Variants in SSBP2 observed in about 807,000 individuals in gnomAD.
The protein encoded by SSBP2 is single stranded DNA binding protein 2.
A neutral mutation model predicts 61.8 loss-of-function variants in SSBP2; 17 were observed. The ratio of observed to expected loss-of-function variants is 0.28; its 90% CI spans 0.19 to 0.41. The LOEUF (loss-of-function observed/expected upper bound fraction) is 0.41. Among genes scored for constraint, SSBP2 ranks in the 10% least tolerant of loss-of-function variants. The probability of loss-of-function intolerance (pLI) is 1.00; values close to 1 mark genes in which losing one functional copy is unlikely to be tolerated. For synonymous variants in SSBP2, 139 were observed against 141.3 expected, an observed-to-expected ratio of 0.98 and a Z score of 0.12; for missense variants, 310 against 458.7, an observed-to-expected ratio of 0.68 and a Z score of 2.96.
intron 1 of SSBP2, among the ~76,000 whole-genome samples, chr5:81,700,437 A>G (rs1350603947): frequency 6.6e-6 from 1 of 152,246 alleles, no homozygotes; most frequent in Non-Finnish European, 1.5e-5. Context: ...GCACAGGCAG[A>G]GTAGATTTAG....
At chr5:81,504,408 T>A (rs1768024114) in intron 5 of SSBP2, among the ~76,000 whole-genome samples, 1 of 152,184 alleles carries the variant, frequency 6.6e-6, no homozygotes, top group Non-Finnish European at 1.5e-5. Context: ...TATCTATGAC[T>A]TCCTATCTCA....
intron 1 of SSBP2, among the ~76,000 whole-genome samples, chr5:81,686,501 T>C (rs1284523695): frequency 6.6e-6 from 1 of 151,998 alleles, no homozygotes; most frequent in Non-Finnish European, 1.5e-5. Flanking sequence ...TCATAGGACA[T>C]AGTGAATTTA....
intron 15 of SSBP2, among the ~76,000 whole-genome samples, chr5:81,433,150 T>C (rs1024567672): frequency 5.9e-5 from 9 of 151,426 alleles, no homozygotes; most frequent in Non-Finnish European, 1.3e-4. Flanking sequence ...ACAATGGCGG[T>C]TTTGTGGAAT....
At chr5:81,532,901 T>C (rs914691175) in intron 4 of SSBP2, among the ~76,000 whole-genome samples, 4 of 151,918 alleles carry the variant, frequency 2.6e-5, no homozygotes, top group Non-Finnish European at 4.4e-5. Flanking sequence ...ACAAAGATTA[T>C]CAGACTTGAA....
intron 4 of SSBP2, among the ~76,000 whole-genome samples, chr5:81,558,111 A>G (rs1772745888): frequency 6.6e-6 from 1 of 152,144 alleles, no homozygotes; most frequent in Non-Finnish European, 1.5e-5. Flanking sequence ...GTGAATTACG[A>G]GGTTTTGCAT....
At chr5:81,532,797 G>A (rs1770515730) in intron 4 of SSBP2, among the ~76,000 whole-genome samples, 2 of 151,650 alleles carry the variant, frequency 1.3e-5, no homozygotes, top group South Asian at 4.2e-4. Context: ...AAAAAATAAA[G>A]ACAGCTGTAG....
chr5:81,588,807 T>G (rs1400000189), intron 4 of SSBP2, among the ~76,000 whole-genome samples: 1 of 152,206 alleles, frequency 6.6e-6, no homozygotes, highest in South Asian at 2.1e-4. Flanking sequence ...TCCATACCTA[T>G]AATTCCAGCA....
chr5:81,636,648 C>T, intron 2 of SSBP2, 30 bp from the exon 3 acceptor site: 8 of 1,505,016 alleles, frequency 5.3e-6, no homozygotes, highest in Non-Finnish European at 7.3e-6. Context: ...TATTACTTTC[C>T]TAATAATACT....
intron 4 of SSBP2, among the ~76,000 whole-genome samples, chr5:81,529,589 A>G (rs566665201): frequency 6.6e-6 from 1 of 152,264 alleles, no homozygotes; most frequent in South Asian, 2.1e-4. Context: ...CAGAAAGGGG[A>G]AAACAACCAC....
At chr5:81,639,989 T>C (rs1748625045) in intron 2 of SSBP2, among the ~76,000 whole-genome samples, 1 of 152,164 alleles carries the variant, frequency 6.6e-6, no homozygotes, top group Non-Finnish European at 1.5e-5. Flanking sequence ...ACATAAAGTA[T>C]AAATAAATGG....
intron 10 of SSBP2, among the ~76,000 whole-genome samples, chr5:81,455,081 G>A (rs1244706823): frequency 6.6e-6 from 1 of 151,974 alleles, no homozygotes; most frequent in Non-Finnish European, 1.5e-5. Context: ...TAATTATAAC[G>A]TGTTAAGTAT....
At chr5:81,534,965 GCA>G (rs982216745) in intron 4 of SSBP2, among the ~76,000 whole-genome samples, 1 of 150,634 alleles carries the variant, frequency 6.6e-6, no homozygotes, top group African/African-American at 2.4e-5. Context: ...CAGAGATAAC[GCA>G]CACACACACA....
At chr5:81,679,761 T>C (rs1031774285) in intron 1 of SSBP2, among the ~76,000 whole-genome samples, 1 of 152,154 alleles carries the variant, frequency 6.6e-6, no homozygotes, top group Non-Finnish European at 1.5e-5. Flanking sequence ...ATCACTGTGA[T>C]GGTTAAGTCT....
At chr5:81,455,168 A>G (rs560505399) in intron 10 of SSBP2, among the ~76,000 whole-genome samples, 49 of 152,066 alleles carry the variant, frequency 3.2e-4, no homozygotes, top group African/African-American at 1.1e-3. Flanking sequence ...ACGTTCAAAA[A>G]AAAACAAAAA....
At chr5:81,627,080 A>G (rs1023781509) in intron 3 of SSBP2, among the ~76,000 whole-genome samples, 3 of 152,214 alleles carry the variant, frequency 2.0e-5, no homozygotes, top group Admixed American at 2.0e-4. Flanking sequence ...TATTATAGAA[A>G]AAGTCTCATA....
intron 3 of SSBP2, among the ~76,000 whole-genome samples, chr5:81,633,961 G>A (rs1177000174): frequency 1.3e-5 from 2 of 152,126 alleles, no homozygotes; most frequent in African/African-American, 4.8e-5. Context: ...CTATTCTATA[G>A]AACTAGAGTG....
At chr5:81,718,275 A>G (rs1288996911) in intron 1 of SSBP2, among the ~76,000 whole-genome samples, 1 of 152,218 alleles carries the variant, frequency 6.6e-6, no homozygotes, top group Non-Finnish European at 1.5e-5. Flanking sequence ...AATATAAACA[A>G]TGTACCACAG....
chr5:81,583,638 A>AC (rs1217891743), intron 4 of SSBP2, among the ~76,000 whole-genome samples: 54 of 152,030 alleles, frequency 3.6e-4, no homozygotes, highest in African/African-American at 1.3e-3. Context: ...TCAAAAAAAA[A>AC]AAAAAAAAAA....
intron 4 of SSBP2, among the ~76,000 whole-genome samples, chr5:81,612,606 C>G (rs1413442567): frequency 6.6e-6 from 1 of 151,958 alleles, no homozygotes; most frequent in African/African-American, 2.4e-5. Flanking sequence ...GTTTATGTGT[C>G]AATATTCATT....
Sources: gnomAD v4.1 joint callset for allele counts (sites outside exome capture counted in the v4.1 genomes callset) on GRCh38, gnomAD v4.1.1 for gene constraint, MANE v1.5 for transcripts, NCBI Gene and HGNC (gene_info 2026-07-23, HGNC 2026-07-21) for gene names.